The following POLR3G variants were observed in gnomAD, a reference collection of about 807,000 sequenced individuals.
The protein encoded by POLR3G is DNA-directed RNA polymerase III subunit RPC7.
Under a neutral mutation model 30.1 loss-of-function variants are expected in POLR3G, and 28 were observed. That is an observed-to-expected ratio of 0.93 (90% CI 0.69 to 1.27). The LOEUF is 1.27. POLR3G is among the 50% of genes most tolerant of loss of function. POLR3G has a pLI of 0.00. For missense variants in POLR3G, 254 were observed against 264.6 expected, an observed-to-expected ratio of 0.96 and a Z score of 0.28; for synonymous variants, 79 against 82.5, an observed-to-expected ratio of 0.96 and a Z score of 0.23.
At chr5:90,502,381 T>C (rs1430268829) in intron 6 of POLR3G, 1 of 909,588 alleles carries the variant, frequency 1.1e-6, no homozygotes, top group Admixed American at 6.2e-5. Flanking sequence ...TTAATGCTTT[T>C]TTTTTGGTCT....
In POLR3G at chr5:90,513,807, G is replaced by GT. The variant is rs1752842842; in HGVS notation, c.*1669dup. On this transcript the variant is annotated 3_prime_UTR_variant, in exon 8 of 8. Transcript: ENST00000651687. Reference sequence around the variant, plus strand: ...ATTCTAAATGGAATACACGAATAAAGTAAGCCTTAGAATAGAAACCTCACA... The same window carrying GT: ...ATTCTAAATGGAATACACGAATAAAGTTAAGCCTTAGAATAGAAACCTCACA... 6.6e-6 allele frequency: 1 copy of GT among 152,170 alleles called. No homozygotes were observed. Among genetic ancestry groups the GT allele is most frequent in the South Asian group, 2.1e-4 (1 of 4,832 alleles). 9.4% of individuals were successfully genotyped at this position (152,170 alleles called of 1,614,324 possible). A position where few individuals can be genotyped will look rare whatever the true frequency, so the allele number is the denominator to read the frequency against.
intron 6 of POLR3G, among the ~76,000 whole-genome samples, chr5:90,504,286 C>T (rs1049849927): frequency 1.3e-5 from 2 of 151,890 alleles, no homozygotes; most frequent in Admixed American, 6.6e-5. Context: ...TTTGGCCAGG[C>T]GCCGTGGCTC....
At chr5:90,509,388 G>A (rs1752633684) in intron 7 of POLR3G, among the ~76,000 whole-genome samples, 1 of 152,134 alleles carries the variant, frequency 6.6e-6, no homozygotes, top group African/African-American at 2.4e-5. Context: ...TGTACACTAA[G>A]TATATGCTTG....
At chr5:90,477,667 T>C (rs1465629514) in intron 1 of POLR3G, among the ~76,000 whole-genome samples, 1 of 152,234 alleles carries the variant, frequency 6.6e-6, no homozygotes, top group East Asian at 1.9e-4. Flanking sequence ...TCTATCTGTT[T>C]GTGCATTTAT....
rs773881344 is a variant in POLR3G, at chr5:90,478,569, C to CTTTTTTTTTTTTTTTTTTTT, written c.-44+3566_-44+3567insTTTTTTTTTTTTTTTTTTTT. Among the ~76,000 whole-genome samples the CTTTTTTTTTTTTTTTTTTTT allele has an allele frequency of 6.8e-4, 54 of 79,328 alleles. 9 individuals are homozygous for CTTTTTTTTTTTTTTTTTTTT. The highest frequency in any genetic ancestry group is 1.6e-3 in the African/African-American group (31 of 19,808). 52.0% of individuals were successfully genotyped at this position (79,328 alleles called of 152,430 possible). On this transcript the variant is annotated intron_variant, in intron 1 of 7. Coordinates refer to ENST00000651687, the MANE Select transcript of POLR3G (RefSeq NM_006467.3). ...AATGGGAGGTTTAATCTGCGTGGTT[C>CTTTTTTTTTTTTTTTTTTTT]TTTTTTTTTTTTTTTTTGAGAGGGA...
intron 4 of POLR3G, among the ~76,000 whole-genome samples, chr5:90,496,162 G>A (rs372076340): frequency 2.6e-5 from 4 of 151,808 alleles, no homozygotes; most frequent in African/African-American, 7.3e-5. Context: ...TAGTAGAGAC[G>A]GAGTTTCACC....
At chr5:90,474,011 C>A (rs781116552), upstream of POLR3G, 3 of 1,597,400 alleles carry the variant, frequency 1.9e-6, no homozygotes, top group Admixed American at 1.8e-5. Context: ...CGCGGTCGAA[C>A]TGGTAGAGGC....
upstream of POLR3G, chr5:90,474,491 C>G (rs1750672306): frequency 1.7e-6 from 1 of 574,868 alleles, no homozygotes; most frequent in South Asian, 2.2e-5. Context: ...GTAGCGTGCG[C>G]TCCCGCACCC....
intron 2 of POLR3G, among the ~76,000 whole-genome samples, chr5:90,487,048 A>G (rs1447904248): frequency 6.6e-6 from 1 of 152,198 alleles, no homozygotes; most frequent in East Asian, 1.9e-4. Context: ...GTAAATATAT[A>G]CACACATACA....
chr5:90,474,213 C>T, upstream of POLR3G: 1 of 1,612,562 alleles, frequency 6.2e-7, no homozygotes, highest in Non-Finnish European at 8.5e-7. Context: ...GGCACGGTTG[C>T]CCGACTCGTA....
chr5:90,499,076 A>T (rs1291663327), intron 5 of POLR3G, among the ~76,000 whole-genome samples: 1 of 152,234 alleles, frequency 6.6e-6, no homozygotes, highest in East Asian at 1.9e-4. Flanking sequence ...TTCCTTTGAA[A>T]TATACAAATA....
upstream of POLR3G, chr5:90,474,283 G>A (rs1412572357): frequency 3.7e-6 from 6 of 1,612,964 alleles, no homozygotes. Flanking sequence ...TACCACTCGA[G>A]CGCCGACATG....
rs376748056 is a variant in POLR3G, at chr5:90,497,617, G to C, written c.305-39G>C. ...TTATGTTCAATGCCACAAATTCCTA[G>C]AGGAAACTGCAATTTTTTATTTTTT... On this transcript the variant is annotated intron_variant, in intron 4 of 7. Coordinates refer to ENST00000651687, the MANE Select transcript of POLR3G (RefSeq NM_006467.3). 3.8e-5 allele frequency: 60 copies of C among 1,570,700 alleles called. 1 individual carries two copies. The highest frequency in any genetic ancestry group is 2.0e-5 in the Admixed American group (1 of 49,884).
rs112436896 is a variant in POLR3G, at chr5:90,484,503, T to C, written c.-43-1022T>C. Among the ~76,000 whole-genome samples, 19 of 152,338 alleles carry C rather than the reference T, an allele frequency of 1.2e-4. 1 individual carries two copies. The highest frequency in any genetic ancestry group is 4.6e-4 in the African/African-American group (19 of 41,576). ...ATAAAGACGTAGCACCTTGTTGGTTTTACGTAGTGTTCCTTCACCATTAAT... is the reference window on the plus strand; with the variant it reads ...ATAAAGACGTAGCACCTTGTTGGTTCTACGTAGTGTTCCTTCACCATTAAT... On this transcript the variant is annotated intron_variant, in intron 1 of 7. Transcript: ENST00000651687.
intron 1 of POLR3G, among the ~76,000 whole-genome samples, chr5:90,477,226 G>C (rs1750874197): frequency 6.6e-6 from 1 of 152,196 alleles, no homozygotes; most frequent in Non-Finnish European, 1.5e-5. Flanking sequence ...AAAAGAACCT[G>C]GGGCTTAAGT....
At chr5:90,474,102 T>G (rs993301835), upstream of POLR3G, 4 of 1,576,644 alleles carry the variant, frequency 2.5e-6, no homozygotes, top group African/African-American at 5.4e-5. Flanking sequence ...CTCTCGGTCC[T>G]GCAAGAGGCC....
Position 90,485,655 on chromosome 5 carries a change from G to T in POLR3G, c.88G>T (p.Val30Leu). Residue 30 changes from valine (V) to leucine (L), a missense_variant, in exon 2 of 8, where the codon GTA becomes TTA. Transcript: ENST00000651687. ...GFSKGEKLPD[V>L]VLKPPPLFPD... ...TAGCAAAGGTGAAAAGTTACCTGAT[G>T]TAGTGTTGAAACCACCCCCACTATT... is the stretch of plus-strand genomic sequence containing the variant. 1 of 1,613,846 alleles carries T rather than the reference G, an allele frequency of 6.2e-7. No homozygotes were observed. Among genetic ancestry groups the T allele is most frequent in the Non-Finnish European group, 8.5e-7 (1 of 1,179,842 alleles).
intron 1 of POLR3G, among the ~76,000 whole-genome samples, chr5:90,482,684 G>T (rs1252352493): frequency 6.6e-6 from 1 of 152,162 alleles, no homozygotes; most frequent in Non-Finnish European, 1.5e-5. Flanking sequence ...GGATCAGGGG[G>T]CACTACCCAG....
intron 3 of POLR3G, among the ~76,000 whole-genome samples, chr5:90,493,278 G>A (rs1301350057): frequency 3.3e-5 from 5 of 151,972 alleles, no homozygotes; most frequent in Non-Finnish European, 4.4e-5. Flanking sequence ...ACAGGATCTC[G>A]TTCTGTCACC....
Sources: allele counts gnomAD v4.1 joint callset (sites outside exome capture counted in the v4.1 genomes callset), GRCh38; gene constraint gnomAD v4.1.1; transcripts MANE v1.5; gene names NCBI Gene and HGNC (gene_info 2026-07-23, HGNC 2026-07-21).